Variants in RNGTT observed in about 807,000 individuals in gnomAD.
RNGTT encodes the protein mRNA-capping enzyme.
In RNGTT, 33 loss-of-function variants were observed where a neutral mutation model predicts 79.3. The ratio of observed to expected loss-of-function variants is 0.42; its 90% CI spans 0.32 to 0.56. RNGTT has a LOEUF of 0.56. RNGTT is among the 20% of genes least tolerant of loss of function. The pLI is 0.17. For missense variants in RNGTT, 497 were observed against 739.1 expected (o/e 0.67, Z 3.80); for synonymous variants, 222 against 235.9 (o/e 0.94, Z 0.54).
chr6:88,828,737 G>A (rs1265967245), intron 11 of RNGTT, among the ~76,000 whole-genome samples: 1 of 151,834 alleles, frequency 6.6e-6, no homozygotes, highest in Non-Finnish European at 1.5e-5. Flanking sequence ...ACTTCGTGAA[G>A]CATACACAAA....
chr6:88,905,121 C>T (rs1291834959), intron 5 of RNGTT, among the ~76,000 whole-genome samples, 166 bp from the exon 6 acceptor site: 1 of 152,172 alleles, frequency 6.6e-6, no homozygotes, highest in African/African-American at 2.4e-5. Context: ...TTAAGGGACA[C>T]ATTCATTCTG....
intron 14 of RNGTT, among the ~76,000 whole-genome samples, chr6:88,627,038 C>T (rs1349771251): frequency 6.6e-6 from 1 of 151,726 alleles, no homozygotes; most frequent in Non-Finnish European, 1.5e-5. Flanking sequence ...TAACATCCAC[C>T]ATTAACATGA....
chr6:88,962,162 C>T (rs189575389), intron 1 of RNGTT, among the ~76,000 whole-genome samples: 130 of 151,920 alleles, frequency 8.6e-4, no homozygotes, highest in African/African-American at 3.0e-3. Context: ...GGCTGCCAGG[C>T]GAAGGAGGGA....
chr6:88,921,492 T>C (rs956102038), intron 4 of RNGTT, among the ~76,000 whole-genome samples: 6 of 152,168 alleles, frequency 3.9e-5, no homozygotes, highest in Non-Finnish European at 7.3e-5. Flanking sequence ...CCTTTTCTAA[T>C]CCTTAGCAGT....
intron 11 of RNGTT, among the ~76,000 whole-genome samples, chr6:88,829,325 T>G (rs1467795532): frequency 6.6e-6 from 1 of 152,126 alleles, no homozygotes; most frequent in Non-Finnish European, 1.5e-5. Flanking sequence ...AAGCAAATGC[T>G]GAGAGATTTT....
At chr6:88,914,716 G>A (rs1422441271) in intron 4 of RNGTT, among the ~76,000 whole-genome samples, 2 of 152,134 alleles carry the variant, frequency 1.3e-5, no homozygotes, top group African/African-American at 4.8e-5. Flanking sequence ...TAGCCTTATG[G>A]ACAGCAGCCT....
intron 8 of RNGTT, among the ~76,000 whole-genome samples, chr6:88,862,762 A>AAC (rs968490438): frequency 4.6e-5 from 7 of 152,170 alleles, no homozygotes; most frequent in East Asian, 1.9e-4. Context: ...AATTTAAAAG[A>AAC]ACACACACAC....
intron 12 of RNGTT, among the ~76,000 whole-genome samples, chr6:88,773,445 A>G (rs965855616): frequency 6.6e-6 from 1 of 151,408 alleles, no homozygotes; most frequent in African/African-American, 2.4e-5. Flanking sequence ...CATTGTGCAC[A>G]TGTACCCTAA....
rs1174771832 is a variant in RNGTT at position 88,858,769 on chromosome 6, T to C, written c.897-5005A>G. Among the ~76,000 whole-genome samples the C allele has an allele frequency of 2.6e-5, 4 of 152,048 alleles. No individual in the cohort carries two copies. In the East Asian group the frequency reaches 7.7e-4, roughly 29 times the overall value. On this transcript the variant is annotated intron_variant, in intron 8 of 15. Coordinates refer to ENST00000369485, the MANE Select transcript of RNGTT (RefSeq NM_003800.5). Reference sequence around the variant, plus strand: ...AGTATACTAACCCTCACATTCAATATGTAGGAGTCAACCCAGCACAGGTTG... The same window carrying C: ...AGTATACTAACCCTCACATTCAATACGTAGGAGTCAACCCAGCACAGGTTG...
chr6:88,839,028 G>A (rs1562279074), intron 11 of RNGTT, among the ~76,000 whole-genome samples: 1 of 151,144 alleles, frequency 6.6e-6, no homozygotes, highest in Non-Finnish European at 1.5e-5. Flanking sequence ...CTCTTCAACT[G>A]GTATAGAAAC....
At chr6:88,762,139 C>T (rs1778287016) in intron 13 of RNGTT, among the ~76,000 whole-genome samples, 1 of 152,176 alleles carries the variant, frequency 6.6e-6, no homozygotes. Context: ...AAATGGATTA[C>T]TGGCTCAAGT....
chr6:88,827,331 G>A (rs1434549632), intron 11 of RNGTT, among the ~76,000 whole-genome samples: 3 of 152,060 alleles, frequency 2.0e-5, no homozygotes, highest in Non-Finnish European at 2.9e-5. Flanking sequence ...ATGACGGACT[G>A]TGCCATGAGG....
intron 6 of RNGTT, among the ~76,000 whole-genome samples, chr6:88,901,201 G>A (rs890796469): frequency 2.0e-5 from 3 of 151,278 alleles, no homozygotes; most frequent in Non-Finnish European, 4.4e-5. Context: ...TTGAGCTCCA[G>A]AAGAAAGAAC....
intron 13 of RNGTT, among the ~76,000 whole-genome samples, chr6:88,768,524 T>C (rs1186246336): frequency 1.3e-5 from 2 of 152,228 alleles, no homozygotes; most frequent in African/African-American, 4.8e-5. Context: ...TGATAATGCA[T>C]AGTTTCTTAA....
intron 11 of RNGTT, among the ~76,000 whole-genome samples, chr6:88,825,174 CTGAAG>C (rs559789793): frequency 3.2e-4 from 49 of 152,318 alleles, no homozygotes; most frequent in Middle Eastern, 3.4e-3. Context: ...AGAGCATACA[CTGAAG>C]GGTACACTGA....
chr6:88,832,761 A>G (rs1269270605), intron 11 of RNGTT, among the ~76,000 whole-genome samples: 2 of 152,222 alleles, frequency 1.3e-5, no homozygotes, highest in Non-Finnish European at 2.9e-5. Context: ...AAAAGTGGGC[A>G]AAGGATATGA....
intron 13 of RNGTT, among the ~76,000 whole-genome samples, chr6:88,691,207 A>G (rs1483438374): frequency 1.3e-5 from 2 of 152,080 alleles, no homozygotes; most frequent in African/African-American, 4.8e-5. Context: ...TGGTTGTTTA[A>G]AAGTGTGTAG....
chr6:88,691,596 C>T (rs1728899494), intron 13 of RNGTT, among the ~76,000 whole-genome samples: 1 of 152,028 alleles, frequency 6.6e-6, no homozygotes, highest in African/African-American at 2.4e-5. Flanking sequence ...TGGGAGAAAG[C>T]TGTGATTGAA....
chr6:88,768,462 T>C (rs1215176794), intron 13 of RNGTT, among the ~76,000 whole-genome samples: 1 of 152,178 alleles, frequency 6.6e-6, no homozygotes, highest in African/African-American at 2.4e-5. Flanking sequence ...ACATGCTTTA[T>C]TAAACCCACC....
Sources: gnomAD v4.1 joint callset for allele counts (sites outside exome capture counted in the v4.1 genomes callset) on GRCh38, gnomAD v4.1.1 for gene constraint, MANE v1.5 for transcripts, NCBI Gene and HGNC (gene_info 2026-07-23, HGNC 2026-07-21) for gene names.